Variants in KNDC1 observed in about 807,000 individuals in gnomAD.
KNDC1 encodes the protein kinase non-catalytic C-lobe domain containing 1, also known as kinase non-catalytic C-lobe domain-containing protein 1.
KNDC1 carries 106 observed loss-of-function variants against 172.8 expected under a neutral mutation model. The observed-to-expected ratio is 0.61, with a 90% CI of 0.52 to 0.72. KNDC1 has a LOEUF of 0.72. Ranked by LOEUF, KNDC1 falls within the 30% of genes least tolerant of loss-of-function variation. The pLI, the probability that KNDC1 is intolerant of heterozygous loss-of-function variation, is 0.00. For synonymous variants in KNDC1, 1,083 were observed against 1,062.2 expected (o/e 1.02, Z -0.38); for missense variants, 2,325 against 2,394.5 (o/e 0.97, Z 0.61).
intron 20 of KNDC1, among the ~76,000 whole-genome samples, chr10:133,210,349 A>G (rs1007510432): frequency 8.0e-5 from 11 of 138,350 alleles, no homozygotes; most frequent in Non-Finnish European, 1.4e-4. Context: ...CTGGGCGACA[A>G]GAGCGAAACT....
intron 17 of KNDC1, chr10:133,202,530 C>A: frequency 2.3e-6 from 1 of 443,356 alleles, no homozygotes; most frequent in South Asian, 1.6e-5. Flanking sequence ...AGCCCCGGGA[C>A]TCCAGGGTGG....
Position 133,167,421 on chromosome 10 carries a change from G to A in KNDC1, c.143G>A (p.Arg48His), listed in dbSNP as rs777893476. ...GCTGACATCCTCTCCCTGCGGGACC[G>A]CGGCCTCAGCGAGCAGGAAGCCTGG... is the stretch of plus-strand genomic sequence containing the variant. ...SLADILSLRD[R>H]GLSEQEAWAV... is the part of the protein sequence containing the mutation. Residue 48 changes from arginine to histidine, a missense_variant, in exon 2 of 30, where the codon CGC (arginine) becomes CAC (histidine). Coordinates refer to ENST00000304613, the MANE Select transcript of KNDC1 (RefSeq NM_152643.8). 4.7e-5 allele frequency: 76 copies of A among 1,602,870 alleles called. 1 individual carries two copies. The highest frequency in any genetic ancestry group is 3.0e-4 in the South Asian group (27 of 88,648).
intron 20 of KNDC1, among the ~76,000 whole-genome samples, chr10:133,207,823 G>A (rs1008084352): frequency 1.3e-5 from 2 of 152,204 alleles, no homozygotes; most frequent in East Asian, 1.9e-4. Flanking sequence ...GCTGGTGTGC[G>A]TACGTACGCC....
At chr10:133,212,462 T>G (rs1193114699) in intron 23 of KNDC1, among the ~76,000 whole-genome samples, 3 of 152,214 alleles carry the variant, frequency 2.0e-5, no homozygotes, top group African/African-American at 7.2e-5. Flanking sequence ...GAAGCCAGTG[T>G]GGGGAGAGAA....
intron 16 of KNDC1, among the ~76,000 whole-genome samples, chr10:133,200,715 G>A (rs1046434469): frequency 1.3e-5 from 2 of 152,216 alleles, no homozygotes; most frequent in Non-Finnish European, 2.9e-5. Context: ...GTCCTCTTCT[G>A]GGGGCGAGCA....
chr10:133,206,695 A>G lies in KNDC1; in HGVS notation c.3398A>G (p.Gln1133Arg). ...GTGTTTCGTCCCCAGGAGCTGGAACAGCAGCTCATGATGGAGAAAAGAAAC... is the reference window on the plus strand; with the variant it reads ...GTGTTTCGTCCCCAGGAGCTGGAACGGCAGCTCATGATGGAGAAAAGAAAC... Reference protein sequence around the residue: ...LPDAQSPELEQQLMMEKRNYR... With the variant: ...LPDAQSPELERQLMMEKRNYR... The change falls in exon 18 of 30, where the codon CAG becomes CGG. Residue 1133 changes from glutamine (Q) to arginine (R), a missense_variant. Coordinates refer to ENST00000304613, the MANE Select transcript of KNDC1 (RefSeq NM_152643.8). 6.2e-7 allele frequency: 1 copy of G among 1,613,664 alleles called. No individual in the cohort carries two copies. The highest frequency in any genetic ancestry group is 8.5e-7 in the Non-Finnish European group (1 of 1,179,736).
At chr10:133,211,132 G>C (rs1564897992) in intron 21 of KNDC1, among the ~76,000 whole-genome samples, 1 of 152,044 alleles carries the variant, frequency 6.6e-6, no homozygotes, top group Non-Finnish European at 1.5e-5. Context: ...TCAGGAGAGG[G>C]GTGGTGGGCT....
At chr10:133,200,485 C>T in intron 16 of KNDC1, 25 bp downstream of exon 16, 3 of 1,489,764 alleles carry the variant, frequency 2.0e-6, no homozygotes, top group Non-Finnish European at 2.7e-6. Context: ...GGCCCCGCGG[C>T]AGGAGCTCTG....
chr10:133,177,340 T>C (rs1853567752), intron 3 of KNDC1, among the ~76,000 whole-genome samples: 2 of 152,236 alleles, frequency 1.3e-5, no homozygotes, highest in Admixed American at 6.5e-5. Context: ...CATGCCCGTG[T>C]GTACATGCAT....
In KNDC1 at chr10:133,186,443, G is replaced by A. The variant is rs764989433; in HGVS notation, c.1095G>A (p.Pro365=). Residue 365 remains proline (P), a synonymous_variant, in exon 6 of 30, where the codon CCG becomes CCA. Transcript: ENST00000304613. ...FQAQPKCRLW[P]EQEPEHQLGR... is the part of the protein sequence containing the mutation. ...CTCAGCCCAAATGCAGGCTGTGGCC[G>A]GAGCAGGAGCCGGAACACCAGCTGG... 2.7e-5 allele frequency: 43 copies of A among 1,612,286 alleles called. No individual in the cohort carries two copies. The East Asian group carries it at 3.3e-4, about 13-fold the overall frequency.
chr10:133,190,431 C>T (rs1219330174), intron 9 of KNDC1, among the ~76,000 whole-genome samples: 1 of 152,202 alleles, frequency 6.6e-6, no homozygotes, highest in African/African-American at 2.4e-5. Flanking sequence ...AGTAAGCACC[C>T]TGCACACTGT....
At chr10:133,177,611 T>C (rs533981737) in intron 3 of KNDC1, among the ~76,000 whole-genome samples, 1 of 152,146 alleles carries the variant, frequency 6.6e-6, no homozygotes, top group East Asian at 1.9e-4. Context: ...ATAATGCATG[T>C]GCATGCACAT....
At chr10:133,218,705 T>A (rs1845518262) in intron 26 of KNDC1, 126 bp from the exon 27 acceptor site, 2 of 1,270,580 alleles carry the variant, frequency 1.6e-6, no homozygotes, top group Non-Finnish European at 2.2e-6. Flanking sequence ...AGCCGCTTCC[T>A]TTCCACACAC....
rs769026127 is a variant in KNDC1, at chr10:133,183,445, G to A, written c.462G>A (p.Leu154=). Residue 154 remains leucine (L), a synonymous_variant, in exon 4 of 30, where the codon CTG becomes CTA. Coordinates refer to ENST00000304613, the MANE Select transcript of KNDC1 (RefSeq NM_152643.8). ...PRLSQDLEAL[L]SRMQAEDPGD... Reference sequence around the variant, plus strand: ...TGAGCCAAGACCTCGAGGCGCTGCTGAGCCGGATGCAGGCGGAGGACCCCG... The same window carrying A: ...TGAGCCAAGACCTCGAGGCGCTGCTAAGCCGGATGCAGGCGGAGGACCCCG... 6.2e-7 allele frequency: 1 copy of A among 1,606,416 alleles called. No homozygotes were observed. Among genetic ancestry groups the A allele is most frequent in the South Asian group, 1.1e-5 (1 of 89,714 alleles).
intron 26 of KNDC1, among the ~76,000 whole-genome samples, chr10:133,217,949 C>T (rs1405408851): frequency 1.3e-5 from 2 of 151,866 alleles, no homozygotes; most frequent in Non-Finnish European, 2.9e-5. Flanking sequence ...AATCCCAGCA[C>T]TTTGAGAGGC....
chr10:133,217,872 C>T (rs944163084), intron 26 of KNDC1, among the ~76,000 whole-genome samples: 3 of 152,060 alleles, frequency 2.0e-5, no homozygotes, highest in South Asian at 2.1e-4. Flanking sequence ...GTCAGGAGTT[C>T]GAGACCAGCC....
chr10:133,193,052 AAT>A (rs1854101231), intron 9 of KNDC1, among the ~76,000 whole-genome samples: 1 of 151,524 alleles, frequency 6.6e-6, no homozygotes, highest in Non-Finnish European at 1.5e-5. Context: ...TAAAAATAAA[AAT>A]AAAAAACAAA....
chr10:133,178,115 TGTG>T (rs1280083305), intron 3 of KNDC1, among the ~76,000 whole-genome samples: 2 of 150,796 alleles, frequency 1.3e-5, no homozygotes, highest in Non-Finnish European at 3.0e-5. Context: ...CGTGCATGTG[TGTG>T]GTGTGTGTGC....
chr10:133,188,404 T>G, intron 6 of KNDC1, 135 bp from the exon 7 acceptor site: 1 of 608,546 alleles, frequency 1.6e-6, no homozygotes, highest in South Asian at 1.9e-5. Context: ...TCCCTAGCCC[T>G]TCTATCAGGT....
Sources: allele counts gnomAD v4.1 joint callset (sites outside exome capture counted in the v4.1 genomes callset), GRCh38; gene constraint gnomAD v4.1.1; transcripts MANE v1.5; gene names NCBI Gene and HGNC (gene_info 2026-07-23, HGNC 2026-07-21).